PRKDC: variants seen among roughly 807,000 people sequenced by gnomAD.
PRKDC encodes the protein protein kinase, DNA-activated, catalytic subunit, also known as DNA-dependent protein kinase catalytic subunit.
PRKDC carries 82 observed loss-of-function variants against 486.9 expected under a neutral mutation model. The ratio of observed to expected loss-of-function variants is 0.17; its 90% CI spans 0.14 to 0.20. PRKDC has a LOEUF of 0.20. Among genes scored for constraint, PRKDC ranks in the 10% least tolerant of loss-of-function variants. The pLI, the probability that PRKDC is intolerant of heterozygous loss-of-function variation, is 1.00. For missense variants in PRKDC, 4,504 were observed against 5,038.2 expected (o/e 0.89, Z 3.21); for synonymous variants, 1,895 against 1,837.0 (o/e 1.03, Z -0.81).
chr8:47,941,823 T>G (rs2090449775), intron 10 of PRKDC, among the ~76,000 whole-genome samples: 1 of 152,238 alleles, frequency 6.6e-6, no homozygotes, highest in Admixed American at 6.5e-5. Context: ...AGGTAGAGAT[T>G]AGCAGGTAGA....
At chr8:47,834,476 A>G in intron 58 of PRKDC, 80 bp from the exon 59 acceptor site, 1 of 1,435,570 alleles carries the variant, frequency 7.0e-7, no homozygotes, top group Non-Finnish European at 9.6e-7. Context: ...GCCAGGACAC[A>G]CCTGGTGGCA....
chr8:47,868,499 G>A (rs1025478658), intron 40 of PRKDC, among the ~76,000 whole-genome samples: 1 of 152,074 alleles, frequency 6.6e-6, no homozygotes, highest in African/African-American at 2.4e-5. Flanking sequence ...CAGAAGTCAA[G>A]GCTGCAGTGA....
chr8:47,794,230 A>T, intron 74 of PRKDC, 60 bp downstream of exon 74: 1 of 1,394,044 alleles, frequency 7.2e-7, no homozygotes, highest in Non-Finnish European at 1.0e-6. Context: ...TGTGTGCTTT[A>T]ACCACATTTT....
At chr8:47,954,177 T>C (rs2090667653) in intron 5 of PRKDC, among the ~76,000 whole-genome samples, 161 bp downstream of exon 5, 1 of 152,236 alleles carries the variant, frequency 6.6e-6, no homozygotes, top group African/African-American at 2.4e-5. Flanking sequence ...AAGGGAAGTC[T>C]TCACATGTTG....
intron 68 of PRKDC, among the ~76,000 whole-genome samples, chr8:47,810,884 T>C (rs979659332): frequency 2.0e-5 from 3 of 152,070 alleles, no homozygotes; most frequent in Non-Finnish European, 4.4e-5. Flanking sequence ...TCTAATCTGA[T>C]GAATAAACAA....
chr8:47,818,132 G>A (rs1344372798), intron 67 of PRKDC, among the ~76,000 whole-genome samples: 9 of 152,022 alleles, frequency 5.9e-5, no homozygotes, highest in Admixed American at 5.9e-4. Context: ...CTTTCTGTTG[G>A]GGGAAAACAG....
rs1483871099 is a variant in PRKDC at position 47,776,882 on chromosome 8, C to T, written c.12144G>A (p.Lys4048=). ...WYPRQKICYA[K]RKLAGANPAV... is the part of the protein sequence containing the mutation. ...CTGGATTGGCACCTGCTAACTTTCT[C>T]TTAGCGTAACATATTTTCTGTCGGG... The change falls in exon 85 of 86, where the codon AAG becomes AAA. Residue 4048 remains lysine, a synonymous_variant. Coordinates refer to ENST00000314191, the MANE Select transcript of PRKDC (RefSeq NM_006904.7). The T allele has an allele frequency of 1.2e-6, 2 of 1,613,952 alleles. No homozygotes were observed. Among genetic ancestry groups the T allele is most frequent in the Non-Finnish European group, 1.7e-6 (2 of 1,179,878 alleles).
rs750761283 is a variant in PRKDC at position 47,778,498 on chromosome 8, G to C, written c.11814C>G (p.Ile3938Met). ...CAAACGCATGCCCAAAGTCGATCCC[G>C]ATCACGCCGCCAGTCTCCATGGCCA... The part of the protein sequence containing the change: ...FMVAMETGGV[I>M]GIDFGHAFGS... The change falls in exon 83 of 86, where the codon ATC becomes ATG. Residue 3938 changes from isoleucine (I) to methionine (M), a missense_variant. This residue lies in a region of PRKDC where 706 missense variants were observed against 945.0 expected (regional missense o/e 0.75). Transcript: ENST00000314191. 5.6e-6 allele frequency: 9 copies of C among 1,613,496 alleles called. No homozygotes were observed. The highest frequency in any genetic ancestry group is 7.6e-6 in the Non-Finnish European group (9 of 1,179,736).
At chr8:47,917,504 A>G (rs993935136) in intron 22 of PRKDC, among the ~76,000 whole-genome samples, 1 of 152,008 alleles carries the variant, frequency 6.6e-6, no homozygotes, top group Non-Finnish European at 1.5e-5. Flanking sequence ...AAAAATAGCT[A>G]TTTTCCCTAT....
chr8:47,801,602 T>C (rs760841523), intron 70 of PRKDC, among the ~76,000 whole-genome samples: 33 of 152,162 alleles, frequency 2.2e-4, no homozygotes, highest in Admixed American at 1.8e-3. Context: ...AATTCTGTTA[T>C]AAAAAATAGG....
At chr8:47,892,609 G>C (rs2089486305) in intron 31 of PRKDC, among the ~76,000 whole-genome samples, 1 of 152,196 alleles carries the variant, frequency 6.6e-6, no homozygotes, top group Admixed American at 6.5e-5. Flanking sequence ...GGGATTACAG[G>C]AGAGAGCCTC....
intron 40 of PRKDC, among the ~76,000 whole-genome samples, chr8:47,868,279 C>T (rs1355557674): frequency 6.6e-6 from 1 of 151,786 alleles, no homozygotes; most frequent in African/African-American, 2.4e-5. Flanking sequence ...ATTTTAATTC[C>T]GGGTATGGCG....
intron 40 of PRKDC, among the ~76,000 whole-genome samples, chr8:47,875,502 T>G (rs1216909737): frequency 6.6e-6 from 1 of 152,214 alleles, no homozygotes; most frequent in Non-Finnish European, 1.5e-5. Context: ...AGGTAAAAAG[T>G]TCAGATTACT....
intron 40 of PRKDC, among the ~76,000 whole-genome samples, chr8:47,874,625 G>A (rs572792875): frequency 6.6e-6 from 1 of 152,066 alleles, no homozygotes; most frequent in South Asian, 2.1e-4. Context: ...CAAGTGTGGT[G>A]GTGTGTGCCT....
intron 76 of PRKDC, among the ~76,000 whole-genome samples, chr8:47,785,999 G>A (rs141876505): frequency 0.017 from 2,579 of 151,858 alleles, 79 homozygotes; most frequent in African/African-American, 0.058. Context: ...CCAGCTACTC[G>A]GGAGGCTGAG....
At chr8:47,891,791 C>A (rs994113102) in intron 31 of PRKDC, among the ~76,000 whole-genome samples, 2 of 152,202 alleles carry the variant, frequency 1.3e-5, no homozygotes, top group African/African-American at 4.8e-5. Flanking sequence ...GTAAGACACA[C>A]TGCAACCATG....
At chr8:47,781,945 C>T (rs1261245712) in intron 80 of PRKDC, among the ~76,000 whole-genome samples, 3 of 152,216 alleles carry the variant, frequency 2.0e-5, no homozygotes, top group African/African-American at 7.2e-5. Context: ...AACAATTTTT[C>T]TTCCCCCCAC....
At chr8:47,882,429 C>A (rs573151057) in intron 36 of PRKDC, among the ~76,000 whole-genome samples, 1 of 152,160 alleles carries the variant, frequency 6.6e-6, no homozygotes, top group Non-Finnish European at 1.5e-5. Flanking sequence ...CAGGTGTACA[C>A]GCACAAGCAC....
chr8:47,872,297 A>T (rs557408156), intron 40 of PRKDC, among the ~76,000 whole-genome samples: 1 of 152,310 alleles, frequency 6.6e-6, no homozygotes, highest in African/African-American at 2.4e-5. Context: ...ACACAAAAAT[A>T]AAAAGCTAGA....
Sources: gnomAD v4.1 joint callset for allele counts (sites outside exome capture counted in the v4.1 genomes callset) on GRCh38, gnomAD v4.1.1 for gene constraint, gnomAD v4.1.1 regional missense constraint, MANE v1.5 for transcripts, NCBI Gene and HGNC (gene_info 2026-07-23, HGNC 2026-07-21) for gene names.